ZNF469: variants seen among roughly 807,000 people sequenced by gnomAD.
ZNF469 encodes the protein zinc finger protein 469.
Under a neutral mutation model 1.0 loss-of-function variants are expected in ZNF469, and 1 was observed. The ratio of observed to expected loss-of-function variants is 1.00; its 90% confidence interval spans 0.35 to 4.73. ZNF469 has a LOEUF of 4.73. ZNF469 is among the 30% of genes most tolerant of loss of function. ZNF469 has a pLI of 0.16. For synonymous variants in ZNF469, 2,703 were observed against 2,363.4 expected (o/e 1.14, Z -4.17); for missense variants, 6,100 against 5,356.3 (o/e 1.14, Z -4.33).
the ZNF469 span, among the ~76,000 whole-genome samples, chr16:88,130,510 A>G: frequency 0.014 from 2,172 of 149,932 alleles, no homozygotes; most frequent in African/African-American, 0.053. Flanking sequence ...GTTCGAGACC[A>G]GCCTGGCCAA....
At chr16:88,392,821 T>C (rs942344762) in intron 1 of ZNF469, among the ~76,000 whole-genome samples, 1 of 152,346 alleles carries the variant, frequency 6.6e-6, no homozygotes, top group East Asian at 1.9e-4. Context: ...TCGCCCTGCC[T>C]TTCCTCTGAG....
chr16:88,293,992 T>C, the ZNF469 span, among the ~76,000 whole-genome samples: 17 of 152,320 alleles, frequency 1.1e-4, no homozygotes, highest in African/African-American at 4.1e-4. Context: ...TAAGCATCTG[T>C]GTGCTCTCTG....
At chr16:88,180,867 A>C in the ZNF469 span, among the ~76,000 whole-genome samples, 1 of 152,228 alleles carries the variant, frequency 6.6e-6, no homozygotes, top group Non-Finnish European at 1.5e-5. Flanking sequence ...GAATTTCAAA[A>C]CACATGGATC....
chr16:88,341,916 T>C, the ZNF469 span, among the ~76,000 whole-genome samples: 1 of 151,806 alleles, frequency 6.6e-6, no homozygotes, highest in Non-Finnish European at 1.5e-5. Flanking sequence ...GGGAAGGCCG[T>C]GAGAAGGAGC....
At chr16:88,214,667 C>G in the ZNF469 span, among the ~76,000 whole-genome samples, 1 of 152,096 alleles carries the variant, frequency 6.6e-6, no homozygotes, top group Admixed American at 6.6e-5. Flanking sequence ...CCTCACCCCC[C>G]GACAGGCCCC....
chr16:88,189,785 G>T, the ZNF469 span, among the ~76,000 whole-genome samples: 1 of 152,184 alleles, frequency 6.6e-6, no homozygotes, highest in East Asian at 1.9e-4. The surrounding 1 kb of genome is among the most constrained non-coding windows in gnomAD (Gnocchi z 4.3). Flanking sequence ...TGGGCATGGT[G>T]GCAGGCACCT....
At chr16:88,341,094 A>C in the ZNF469 span, among the ~76,000 whole-genome samples, 10 of 152,050 alleles carry the variant, frequency 6.6e-5, no homozygotes, top group African/African-American at 2.4e-4. Flanking sequence ...GTGAAGGTCC[A>C]GTAGCAAATC....
the ZNF469 span, among the ~76,000 whole-genome samples, chr16:88,203,616 G>A: frequency 2.0e-5 from 3 of 152,182 alleles, no homozygotes; most frequent in South Asian, 2.1e-4. Context: ...GGGGTCTCCC[G>A]GGGATCCTTC....
the ZNF469 span, among the ~76,000 whole-genome samples, chr16:88,105,442 C>T: frequency 6.6e-6 from 1 of 151,928 alleles, no homozygotes; most frequent in African/African-American, 2.4e-5. Context: ...GTAGCTGGGA[C>T]TATAGGCACC....
chr16:88,350,649 G>T, the ZNF469 span, among the ~76,000 whole-genome samples: 1 of 152,220 alleles, frequency 6.6e-6, no homozygotes, highest in South Asian at 2.1e-4. Flanking sequence ...GGACGTTCAG[G>T]ACGCTGAGAT....
Position 88,427,385 on chromosome 16 carries a change from A to AGG in ZNF469, c.-86_-85insGG. ...ATGAGCGCAGGCTTCCCTGGGGCCC[A>AGG]TCGAGGGCTGAGGATGGCCGTCCAG... On this transcript the variant is annotated 5_prime_UTR_variant, in exon 3 of 3. The change creates a premature stop within an existing upstream ORF in the 5' untranslated region. Coordinates refer to ENST00000565624, the MANE Select transcript of ZNF469 (RefSeq NM_001367624.2). 1 of 1,333,550 alleles carries AGG rather than the reference A, an allele frequency of 7.5e-7. No individual in the cohort carries two copies. The highest frequency in any genetic ancestry group is 9.9e-7 in the Non-Finnish European group (1 of 1,009,616). 82.6% of individuals were successfully genotyped at this position (1,333,550 alleles called of 1,614,324 possible).
chr16:88,169,957 C>T, the ZNF469 span, among the ~76,000 whole-genome samples: 146 of 152,242 alleles, frequency 9.6e-4, no homozygotes, highest in African/African-American at 3.3e-3. This position sits in a 1 kb window ranked among gnomAD's most constrained non-coding sequence, Gnocchi z 6.1. Context: ...AGTGATGTTG[C>T]GTGCCTTACA....
the ZNF469 span, among the ~76,000 whole-genome samples, chr16:88,357,823 C>T: frequency 1.3e-5 from 2 of 152,234 alleles, no homozygotes; most frequent in African/African-American, 4.8e-5. Context: ...TGTTATTAAG[C>T]GAGTGACTCA....
At chr16:88,274,872 A>C in the ZNF469 span, among the ~76,000 whole-genome samples, 2 of 152,366 alleles carry the variant, frequency 1.3e-5, no homozygotes, top group Admixed American at 1.3e-4. Context: ...GGACACTGGC[A>C]AACATTGCTT....
the ZNF469 span, among the ~76,000 whole-genome samples, chr16:88,248,607 C>A: frequency 6.6e-6 from 1 of 152,120 alleles, no homozygotes; most frequent in East Asian, 1.9e-4. Context: ...ATAATAGTAC[C>A]ATGAGAGAGG....
the ZNF469 span, among the ~76,000 whole-genome samples, chr16:88,358,189 G>A: frequency 1.4e-4 from 22 of 152,188 alleles, no homozygotes; most frequent in African/African-American, 4.8e-4. Flanking sequence ...GAACAGAGGC[G>A]GGCATTGTGA....
the ZNF469 span, among the ~76,000 whole-genome samples, chr16:88,152,684 A>G: frequency 1.3e-5 from 2 of 151,706 alleles, no homozygotes; most frequent in African/African-American, 4.9e-5. The surrounding 1 kb of genome is among the most constrained non-coding windows in gnomAD (Gnocchi z 4.2). Context: ...ATTTTTTTTT[A>G]ATGTAAGAAT....
chr16:88,122,205 G>T, the ZNF469 span, among the ~76,000 whole-genome samples: 1 of 144,772 alleles, frequency 6.9e-6, no homozygotes, highest in East Asian at 2.0e-4. Flanking sequence ...CACTCAATAG[G>T]GCCACGGCAG....
At chr16:88,204,392 G>A in the ZNF469 span, among the ~76,000 whole-genome samples, 1 of 152,240 alleles carries the variant, frequency 6.6e-6, no homozygotes, top group African/African-American at 2.4e-5. Context: ...GGGCAGAGTG[G>A]GATTGTGACA....
Sources: gnomAD v4.1 joint callset for allele counts (sites outside exome capture counted in the v4.1 genomes callset) on GRCh38, gnomAD v4.1.1 for gene constraint, Gnocchi (gnomAD v3.1) non-coding constraint, MANE v1.5 for transcripts, NCBI Gene and HGNC (gene_info 2026-07-23, HGNC 2026-07-21) for gene names.